PARD3B: variants seen among roughly 807,000 people sequenced by gnomAD.
PARD3B encodes par-3 family cell polarity regulator beta, also known as partitioning defective 3 homolog B.
In PARD3B, 103 loss-of-function variants were observed where a neutral mutation model predicts 130.2. That is an observed-to-expected ratio of 0.79 (90% CI 0.67 to 0.93). The LOEUF is 0.93. Ranked by LOEUF, PARD3B falls within the 40% of genes least tolerant of loss-of-function variation. The pLI is 0.00. For missense variants in PARD3B, 1,609 were observed against 1,499.2 expected (o/e 1.07, Z -1.21); for synonymous variants, 583 against 553.2 (o/e 1.05, Z -0.76).
At chr2:205,315,509 A>T (rs925908100) in intron 18 of PARD3B, among the ~76,000 whole-genome samples, 1 of 152,172 alleles carries the variant, frequency 6.6e-6, no homozygotes, top group Admixed American at 6.6e-5. Context: ...GGGTTTCATT[A>T]TCAGAGACTC....
rs1213487965 is a variant in PARD3B at position 205,550,941 on chromosome 2, GTA to G, written c.3181-2373_3181-2372del. On this transcript the variant is annotated intron_variant, in intron 21 of 22. Transcript: ENST00000406610. This position sits in a 1 kb window ranked among gnomAD's most constrained non-coding sequence, Gnocchi z 4.5. ...TATAATTATGTGTGTGTGTGTGTGT[GTA>G]TATATATATGTGTATATATATATAT... 3.5e-5 allele frequency among the ~76,000 whole-genome samples: 4 copies of G among 114,768 alleles called. No individual in the cohort carries two copies. The highest frequency in any genetic ancestry group is 1.3e-4 in the African/African-American group (4 of 30,854). 75.3% of individuals were successfully genotyped at this position (114,768 alleles called of 152,430 possible).
At chr2:205,380,923 TA>T (rs1232215561) in intron 18 of PARD3B, among the ~76,000 whole-genome samples, 3 of 78,580 alleles carry the variant, frequency 3.8e-5, no homozygotes, top group East Asian at 7.3e-4. Flanking sequence ...AGAATATATA[TA>T]ATATATAAAG....
chr2:204,592,368 CAA>C (rs1469805632), intron 1 of PARD3B, among the ~76,000 whole-genome samples: 11 of 152,252 alleles, frequency 7.2e-5, no homozygotes, highest in Admixed American at 4.6e-4. Context: ...ATTTTGGTAA[CAA>C]GAGGTACTTT....
intron 19 of PARD3B, among the ~76,000 whole-genome samples, chr2:205,410,637 G>A (rs2046564637): frequency 6.6e-6 from 1 of 152,088 alleles, no homozygotes; most frequent in African/African-American, 2.4e-5. Flanking sequence ...CCGGTTTGGG[G>A]CTGGATAATA....
At chr2:204,546,751 ATGTG>A (rs536699572) in intron 1 of PARD3B, among the ~76,000 whole-genome samples, 463 of 152,288 alleles carry the variant, frequency 3.0e-3, no homozygotes, top group Middle Eastern at 0.01. Flanking sequence ...ACCATTTACT[ATGTG>A]TGTGGGCTGT....
At chr2:205,327,261 C>G (rs1393738685) in intron 18 of PARD3B, among the ~76,000 whole-genome samples, 1 of 152,144 alleles carries the variant, frequency 6.6e-6, no homozygotes, top group Non-Finnish European at 1.5e-5. Flanking sequence ...CACTGCCCCA[C>G]CTTTATGAAG....
At chr2:204,705,532 A>G (rs1056885687) in intron 2 of PARD3B, among the ~76,000 whole-genome samples, 1 of 150,282 alleles carries the variant, frequency 6.7e-6, no homozygotes, top group Non-Finnish European at 1.5e-5. Context: ...CTCTCACATA[A>G]TTTCCATAGC....
At chr2:205,049,865 T>C (rs1699068359) in intron 4 of PARD3B, among the ~76,000 whole-genome samples, 1 of 152,162 alleles carries the variant, frequency 6.6e-6, no homozygotes, top group African/African-American at 2.4e-5. Flanking sequence ...TTTCTTCCTT[T>C]CCTCATAGTG....
chr2:205,125,679 G>A lies in PARD3B; in HGVS notation c.1376G>A (p.Gly459Glu), dbSNP rs1433075879. 1 of 1,614,108 alleles carries A rather than the reference G, an allele frequency of 6.2e-7. No homozygotes were observed. Among genetic ancestry groups the A allele is most frequent in the Non-Finnish European group, 8.5e-7 (1 of 1,180,034 alleles). The change falls in exon 10 of 23, where the codon GGG becomes GAG. Residue 459 changes from glycine to glutamate, a missense_variant. By Grantham distance (98) the Gly-to-Glu change is moderately conservative. Coordinates refer to ENST00000406610, the MANE Select transcript of PARD3B (RefSeq NM_001302769.2). The surrounding 1 kb of genome is among the most constrained non-coding windows in gnomAD (Gnocchi z 4.0). ...GCCATGCTCAGGAGCACCAAGCAGG[G>A]GGAGACAGCATCGCTGGTCATTGCC... Reference protein sequence around the residue: ...LVAMLRSTKQGETASLVIARQ... With the variant: ...LVAMLRSTKQEETASLVIARQ...
At chr2:204,934,770 A>G (rs1688284641) in intron 2 of PARD3B, among the ~76,000 whole-genome samples, 1 of 152,194 alleles carries the variant, frequency 6.6e-6, no homozygotes, top group Non-Finnish European at 1.5e-5. Context: ...TTTAGAAACA[A>G]AGTGGGAACG....
intron 2 of PARD3B, among the ~76,000 whole-genome samples, chr2:204,791,975 T>C (rs1304237026): frequency 2.6e-5 from 4 of 152,198 alleles, no homozygotes; most frequent in Non-Finnish European, 5.9e-5. Context: ...TCGTTGGTGG[T>C]ACCTTATACT....
chr2:205,071,850 A>G (rs1276566745), intron 4 of PARD3B, among the ~76,000 whole-genome samples: 3 of 152,128 alleles, frequency 2.0e-5, no homozygotes, highest in Non-Finnish European at 4.4e-5. Context: ...GTACTCTCAC[A>G]TTGCTGTCTA....
intron 1 of PARD3B, among the ~76,000 whole-genome samples, chr2:204,575,106 G>T (rs915008092): frequency 6.6e-6 from 1 of 152,074 alleles, no homozygotes; most frequent in African/African-American, 2.4e-5. Context: ...AGTAAGAACT[G>T]TCTTGGTTTT....
chr2:205,573,541 CTG>C (rs2053634123), intron 22 of PARD3B, among the ~76,000 whole-genome samples: 1 of 152,148 alleles, frequency 6.6e-6, no homozygotes, highest in African/African-American at 2.4e-5. Context: ...GAAAAGGAAA[CTG>C]AGATTTTAAG....
At chr2:204,625,508 C>T (rs2034456860) in intron 1 of PARD3B, among the ~76,000 whole-genome samples, 1 of 152,200 alleles carries the variant, frequency 6.6e-6, no homozygotes, top group Non-Finnish European at 1.5e-5. Flanking sequence ...CACTAAGTCT[C>T]TTGAAGCATT....
intron 11 of PARD3B, among the ~76,000 whole-genome samples, chr2:205,170,360 G>C (rs1489276532): frequency 3.9e-5 from 6 of 152,152 alleles, no homozygotes; most frequent in Admixed American, 3.9e-4. Flanking sequence ...TTCAAATTAG[G>C]GTAAAGGTTA....
At chr2:204,928,819 A>G (rs575759811) in intron 2 of PARD3B, among the ~76,000 whole-genome samples, 1 of 152,230 alleles carries the variant, frequency 6.6e-6, no homozygotes, top group South Asian at 2.1e-4. Context: ...CTTAATAATA[A>G]CAATAGTTGG....
At chr2:204,602,295 C>T (rs905779702) in intron 1 of PARD3B, among the ~76,000 whole-genome samples, 3 of 152,158 alleles carry the variant, frequency 2.0e-5, no homozygotes, top group Non-Finnish European at 4.4e-5. Flanking sequence ...TCCTCTCACT[C>T]CTAGGTGTGT....
intron 20 of PARD3B, among the ~76,000 whole-genome samples, chr2:205,491,527 G>C (rs1361213378): frequency 6.6e-6 from 1 of 152,168 alleles, no homozygotes; most frequent in Non-Finnish European, 1.5e-5. Flanking sequence ...AGCATAGTTT[G>C]AAGTCAGGTA....
Sources: allele counts gnomAD v4.1 joint callset (sites outside exome capture counted in the v4.1 genomes callset), GRCh38; gene constraint gnomAD v4.1.1; non-coding constraint Gnocchi (gnomAD v3.1); transcripts MANE v1.5; gene names NCBI Gene and HGNC (gene_info 2026-07-23, HGNC 2026-07-21).